Variants in JAK2 observed in about 807,000 individuals in gnomAD.
The protein encoded by JAK2 is tyrosine-protein kinase JAK2.
A neutral mutation model predicts 139.3 loss-of-function variants in JAK2; 86 were observed. The observed-to-expected ratio is 0.62, with a 90% CI of 0.52 to 0.74. JAK2 has a LOEUF of 0.74. Ranked by LOEUF, JAK2 falls within the 30% of genes least tolerant of loss-of-function variation. JAK2 has a pLI of 0.00. For synonymous variants in JAK2, 490 were observed against 437.7 expected, an observed-to-expected ratio of 1.12 and a Z score of -1.49; for missense variants, 1,421 against 1,360.3, an observed-to-expected ratio of 1.04 and a Z score of -0.70.
chr9:5,013,992 C>A (rs866402925), intron 2 of JAK2, among the ~76,000 whole-genome samples: 4 of 152,006 alleles, frequency 2.6e-5, no homozygotes, highest in African/African-American at 7.2e-5. Flanking sequence ...TAATCTACTG[C>A]ATTACTTCTT....
intron 17 of JAK2, 42 bp from the exon 18 acceptor site, chr9:5,080,491 C>A: frequency 6.5e-7 from 1 of 1,548,754 alleles, no homozygotes; most frequent in Admixed American, 2.0e-5. Flanking sequence ...GTTGGTGTGG[C>A]ATTACACAAT....
chr9:4,994,730 G>A (rs973792425), intron 2 of JAK2, among the ~76,000 whole-genome samples: 4 of 152,216 alleles, frequency 2.6e-5, no homozygotes, highest in Middle Eastern at 6.8e-3. Context: ...TGTGTGAACT[G>A]TGCTCTGCCA....
intron 9 of JAK2, among the ~76,000 whole-genome samples, 181 bp from the exon 10 acceptor site, chr9:5,066,497 A>G (rs1366746150): frequency 1.3e-5 from 2 of 152,072 alleles, no homozygotes; most frequent in East Asian, 3.8e-4. Context: ...AGTGGTTTGA[A>G]CTTACTGCAA....
At position 5,081,814 on chromosome 9, in the gene JAK2, A is replaced by C; in HGVS notation, c.2524A>C (p.Thr842Pro). ...FSGAFEDRDP[T>P]QFEERHLKFL... ...TGGTGCCTTTGAAGACCGGGATCCTACACAGTTTGAAGAGAGACATTTGAA... is the reference window on the plus strand; with the variant it reads ...TGGTGCCTTTGAAGACCGGGATCCTCCACAGTTTGAAGAGAGACATTTGAA... Residue 842 changes from threonine to proline, a missense_variant, in exon 19 of 25, where the codon ACA (threonine) becomes CCA (proline). Transcript: ENST00000381652. 6.2e-7 allele frequency: 1 copy of C among 1,613,608 alleles called. No homozygotes were observed. The highest frequency in any genetic ancestry group is 8.5e-7 in the Non-Finnish European group (1 of 1,179,482).
At chr9:5,041,648 C>T (rs1303465568) in intron 4 of JAK2, 16 of 505,068 alleles carry the variant, frequency 3.2e-5, no homozygotes, top group South Asian at 9.2e-5. Context: ...AGCTCGACTA[C>T]GACTACCTGC....
chr9:5,096,843 G>A (rs1043428452), intron 22 of JAK2: 5 of 152,026 alleles, frequency 3.3e-5, no homozygotes, highest in African/African-American at 4.8e-5. Context: ...TATTGTTACC[G>A]CCCACGAATT....
chr9:5,000,677 G>C (rs1054485185), intron 2 of JAK2, among the ~76,000 whole-genome samples: 19 of 152,008 alleles, frequency 1.2e-4, no homozygotes, highest in Admixed American at 1.1e-3. Context: ...CATTTTTTTA[G>C]TGGAAGGTTT....
At chr9:5,029,653 A>G (rs1191469351) in intron 3 of JAK2, 130 bp from the exon 4 acceptor site, 3 of 747,514 alleles carry the variant, frequency 4.0e-6, no homozygotes, top group Non-Finnish European at 6.3e-6. Flanking sequence ...ATATCAAAAG[A>G]TTTCGACTGC....
At chr9:5,066,831 T>A in intron 10 of JAK2, 42 bp downstream of exon 10, 3 of 815,868 alleles carry the variant, frequency 3.7e-6, no homozygotes, top group Non-Finnish European at 5.5e-6. Flanking sequence ...TTTATTTAGT[T>A]CATTTAATTT....
chr9:5,115,991 A>G (rs1340022928), intron 22 of JAK2, among the ~76,000 whole-genome samples: 1 of 152,104 alleles, frequency 6.6e-6, no homozygotes, highest in African/African-American at 2.4e-5. Flanking sequence ...AACCACCATG[A>G]CACGTGTATA....
intron 4 of JAK2, among the ~76,000 whole-genome samples, chr9:5,036,965 T>C (rs2130239240): frequency 6.6e-6 from 1 of 152,376 alleles, no homozygotes; most frequent in East Asian, 1.9e-4. Flanking sequence ...TCTACTCATC[T>C]GATAAAGGGC....
chr9:5,080,700 T>A lies in JAK2; in HGVS notation c.2434+17T>A, dbSNP rs1819627109. The A allele has an allele frequency of 6.6e-7, 1 of 1,517,050 alleles. No homozygotes were observed. The highest frequency in any genetic ancestry group is 8.8e-7 in the Non-Finnish European group (1 of 1,134,462). 94.0% of individuals were successfully genotyped at this position (1,517,050 alleles called of 1,614,324 possible). A position where few individuals can be genotyped will look rare whatever the true frequency, so the allele number is the denominator to read the frequency against. On this transcript the variant is annotated intron_variant, in intron 18 of 24. Transcript: ENST00000381652. ...TTACTCCAGGTATGTATTTGAATGA[T>A]CTTATTGATTTTCCAGCTTTCTATC... is the stretch of plus-strand genomic sequence containing the variant.
intron 2 of JAK2, among the ~76,000 whole-genome samples, chr9:5,017,846 T>C (rs1822174766): frequency 6.6e-6 from 1 of 152,240 alleles, no homozygotes; most frequent in Admixed American, 6.5e-5. Context: ...AGAATTGTTA[T>C]ATCCTCTTGA....
rs1170304302 is a variant in JAK2 at position 5,069,127 on chromosome 9, T to C, written c.1432T>C (p.Leu478=). The change falls in exon 11 of 25, where the codon TTG becomes CTG. Residue 478 remains leucine, a synonymous_variant. Coordinates refer to ENST00000381652, the MANE Select transcript of JAK2 (RefSeq NM_004972.4). ...KKNFSSLKDL[L]NCYQMETVRS... is the part of the protein sequence containing the mutation. Reference sequence around the variant, plus strand: ...GAACTTCAGCAGTCTTAAAGATCTTTTGAATTGTTACCAGATGGAAACTGT... The same window carrying C: ...GAACTTCAGCAGTCTTAAAGATCTTCTGAATTGTTACCAGATGGAAACTGT... 5.6e-6 allele frequency: 9 copies of C among 1,613,130 alleles called. No homozygotes were observed. In the African/African-American group the frequency reaches 8.0e-5, roughly 14 times the overall value.
At chr9:5,029,066 A>G (rs1587845958) in intron 3 of JAK2, among the ~76,000 whole-genome samples, 1 of 152,204 alleles carries the variant, frequency 6.6e-6, no homozygotes, top group Non-Finnish European at 1.5e-5. Context: ...TTTTAATAAT[A>G]CCTTCCTCAC....
intron 3 of JAK2, among the ~76,000 whole-genome samples, chr9:5,023,427 A>C (rs1006810129): frequency 6.6e-6 from 1 of 152,158 alleles, no homozygotes; most frequent in African/African-American, 2.4e-5. Context: ...GTAGCTGCTT[A>C]GGACTCGGGG....
chr9:5,125,298 G>C (rs895825459), intron 23 of JAK2, among the ~76,000 whole-genome samples: 3 of 151,024 alleles, frequency 2.0e-5, no homozygotes, highest in Non-Finnish European at 4.5e-5. Context: ...ATACTGTGCA[G>C]TTTGCTCTCC....
rs902865299 is a variant in JAK2, at chr9:5,054,943, CAA to C, written c.936+61_936+62del. 6.7e-5 allele frequency: 86 copies of C among 1,288,070 alleles called. No homozygotes were observed. The highest frequency in any genetic ancestry group is 6.7e-5 in the Non-Finnish European group (63 of 935,436). The allele number at this position is 1,288,070 out of a possible 1,614,324, so 79.8% of individuals were successfully genotyped here. ...ATTTTAAGTACAATGGAAATAAAAA[CAA>C]AGTAATTTTAATCATTTGCAACATG... On this transcript the variant is annotated intron_variant, in intron 7 of 24. Coordinates refer to ENST00000381652, the MANE Select transcript of JAK2 (RefSeq NM_004972.4). The surrounding 1 kb of genome is among the most constrained non-coding windows in gnomAD (Gnocchi z 4.9).
At position 5,085,520 on chromosome 9, in the gene JAK2, A is replaced by G. The variant is rs1820018420; in HGVS notation, c.2571+3659A>G. ...GACCCGAGCTGAAGAAATTCACCAC[A>G]CACCAAATCTTCAATAACTCGGGTT... On this transcript the variant is annotated intron_variant, in intron 19 of 24. Coordinates refer to ENST00000381652, the MANE Select transcript of JAK2 (RefSeq NM_004972.4). 4 of 717,906 alleles carry G rather than the reference A, an allele frequency of 5.6e-6. No individual in the cohort carries two copies. In the East Asian group the frequency reaches 1.1e-4, roughly 19 times the overall value. The allele number at this position is 717,906 out of a possible 1,614,324, so 44.5% of individuals were successfully genotyped here.
Sources: gnomAD v4.1 joint callset for allele counts (sites outside exome capture counted in the v4.1 genomes callset) on GRCh38, gnomAD v4.1.1 for gene constraint, Gnocchi (gnomAD v3.1) non-coding constraint, MANE v1.5 for transcripts, NCBI Gene and HGNC (gene_info 2026-07-23, HGNC 2026-07-21) for gene names.